LOC400499: variants seen among roughly 807,000 people sequenced by gnomAD.
chr16:11,504,003 C>A, the LOC400499 span, among the ~76,000 whole-genome samples: 1 of 152,210 alleles, frequency 6.6e-6, no homozygotes, highest in Non-Finnish European at 1.5e-5. Context: ...GCCCTTGGCA[C>A]CCTGGGTTCG....
the LOC400499 span, chr16:11,391,722 G>C: frequency 2.4e-6 from 3 of 1,232,132 alleles, no homozygotes; most frequent in African/African-American, 4.7e-5. Flanking sequence ...CAGGTAAAGA[G>C]GCAGGTGCTG....
chr16:11,406,727 C>T, the LOC400499 span, among the ~76,000 whole-genome samples: 9 of 152,234 alleles, frequency 5.9e-5, no homozygotes, highest in African/African-American at 9.6e-5. Context: ...CCACCGTGCC[C>T]GGCCTTCCCC....
chr16:11,402,115 G>A, the LOC400499 span: 1 of 399,134 alleles, frequency 2.5e-6, no homozygotes, highest in Non-Finnish European at 4.4e-6. Context: ...GGCGGAGGCT[G>A]CAGTGTCGCG....
At chr16:11,471,810 G>A in the LOC400499 span, 5 of 399,124 alleles carry the variant, frequency 1.3e-5, no homozygotes, top group African/African-American at 8.2e-5. Context: ...AGCCCCAGGT[G>A]TAGGACACTG....
chr16:11,459,127 T>A, the LOC400499 span, among the ~76,000 whole-genome samples: 1 of 151,316 alleles, frequency 6.6e-6, no homozygotes, highest in African/African-American at 2.4e-5. Flanking sequence ...AAATTAAAAG[T>A]TAATATTTAA....
the LOC400499 span, chr16:11,448,035 A>G: frequency 1.3e-6 from 2 of 1,536,014 alleles, no homozygotes; most frequent in Non-Finnish European, 1.7e-6. Context: ...CCTGGGCACC[A>G]ATCCGCACAG....
At chr16:11,385,288 T>G in the LOC400499 span, 1 of 1,232,278 alleles carries the variant, frequency 8.1e-7, no homozygotes, top group Non-Finnish European at 1.0e-6. Flanking sequence ...CCTGTCCGAC[T>G]CAGCGTCAGC....
chr16:11,373,546 A>T, the LOC400499 span, among the ~76,000 whole-genome samples: 2 of 151,280 alleles, frequency 1.3e-5, no homozygotes, highest in Non-Finnish European at 2.9e-5. Flanking sequence ...GCTGGTCTCG[A>T]ACTTTTGACC....
At chr16:11,379,799 T>C in the LOC400499 span, among the ~76,000 whole-genome samples, 48,969 of 152,142 alleles carry the variant, frequency 0.32, 8,049 homozygotes, top group Non-Finnish European at 0.36. Flanking sequence ...AGGATCTCAT[T>C]TGCTTTTGTG....
the LOC400499 span, chr16:11,485,151 G>A: frequency 2.5e-6 from 1 of 398,382 alleles, no homozygotes; most frequent in Non-Finnish European, 4.4e-6. Context: ...CTGGGGATAT[G>A]AATGGAGGAC....
At chr16:11,465,103 A>G in the LOC400499 span, among the ~76,000 whole-genome samples, 1 of 152,164 alleles carries the variant, frequency 6.6e-6, no homozygotes, top group Non-Finnish European at 1.5e-5. Context: ...GAATCAGGAG[A>G]TCCACTGCCG....
chr16:11,397,871 G>A, the LOC400499 span, among the ~76,000 whole-genome samples: 1 of 152,014 alleles, frequency 6.6e-6, no homozygotes, highest in Non-Finnish European at 1.5e-5. Flanking sequence ...GAGGGTACAT[G>A]GGAGGGCAGA....
the LOC400499 span, chr16:11,396,379 G>C: frequency 1.2e-6 from 1 of 867,352 alleles, no homozygotes; most frequent in Non-Finnish European, 1.5e-6. Flanking sequence ...CAGAATGCTG[G>C]TTTGCAGTTC....
chr16:11,452,200 TGTTTG>T, the LOC400499 span, among the ~76,000 whole-genome samples: 1 of 107,788 alleles, frequency 9.3e-6, no homozygotes, highest in South Asian at 2.9e-4. Context: ...TCAGTTTTTT[TGTTTG>T]TTTTTTTTTT....
the LOC400499 span, chr16:11,440,835 G>A: frequency 2.8e-5 from 11 of 399,040 alleles, no homozygotes; most frequent in African/African-American, 6.2e-5. Flanking sequence ...GGGCCTGGGG[G>A]AAGCTCAGCT....
the LOC400499 span, chr16:11,384,290 C>T: frequency 4.9e-6 from 6 of 1,232,464 alleles, no homozygotes; most frequent in East Asian, 9.5e-5. Context: ...TTGCCTGCTT[C>T]ATTGTCATTG....
chr16:11,428,854 A>G, the LOC400499 span, among the ~76,000 whole-genome samples: 17 of 152,206 alleles, frequency 1.1e-4, no homozygotes, highest in African/African-American at 2.6e-4. Flanking sequence ...GCGAACAATT[A>G]TAACATTTAG....
At chr16:11,385,580 C>T in the LOC400499 span, among the ~76,000 whole-genome samples, 1 of 152,214 alleles carries the variant, frequency 6.6e-6, no homozygotes. Flanking sequence ...GCCCAGGGAT[C>T]CCCCACCGGC....
chr16:11,501,571 T>C, the LOC400499 span, among the ~76,000 whole-genome samples: 1 of 152,088 alleles, frequency 6.6e-6, no homozygotes, highest in African/African-American at 2.4e-5. Context: ...TTGCCCAGGC[T>C]GGTCTCAAAC....
Sources: gnomAD v4.1 joint callset for allele counts (sites outside exome capture counted in the v4.1 genomes callset) on GRCh38, gnomAD v4.1.1 for gene constraint, MANE v1.5 for transcripts.